The following RBFOX1 variants were observed in gnomAD, a reference collection of about 807,000 sequenced individuals.
RBFOX1 encodes RNA binding fox-1 homolog 1.
RBFOX1 carries 8 observed loss-of-function variants against 57.7 expected under a neutral mutation model. The ratio of observed to expected loss-of-function variants is 0.14; its 90% confidence interval spans 0.08 to 0.25. The LOEUF (loss-of-function observed/expected upper bound fraction) is 0.25, where lower values mean the gene tolerates loss of function less well. Among genes scored for constraint, RBFOX1 ranks in the 10% least tolerant of loss-of-function variants. The probability of loss-of-function intolerance (pLI) is 1.00; values close to 1 mark genes in which losing one functional copy is unlikely to be tolerated. For missense variants in RBFOX1, 611 were observed against 548.5 expected, an observed-to-expected ratio of 1.11 and a Z score of -1.14; for synonymous variants, 326 against 222.4, an observed-to-expected ratio of 1.47 and a Z score of -4.15.
At chr16:6,675,010 A>G (rs1419914833) in intron 3 of RBFOX1, among the ~76,000 whole-genome samples, 4 of 152,084 alleles carry the variant, frequency 2.6e-5, no homozygotes, top group African/African-American at 9.7e-5. Context: ...GGTTCAAGCC[A>G]TTCTCGTGCC....
At chr16:6,458,639 C>T (rs2094835308) in intron 2 of RBFOX1, among the ~76,000 whole-genome samples, 1 of 152,172 alleles carries the variant, frequency 6.6e-6, no homozygotes, top group Admixed American at 6.5e-5. Context: ...CTCTTCCTGA[C>T]CATGTGGCGA....
At chr16:6,259,806 A>T (rs2097690732) in intron 1 of RBFOX1, among the ~76,000 whole-genome samples, 1 of 152,106 alleles carries the variant, frequency 6.6e-6, no homozygotes, top group East Asian at 1.9e-4. Context: ...AAAAATACAA[A>T]AAAAAGTAGC....
chr16:6,597,501 G>T lies in RBFOX1; in HGVS notation c.-63-57102G>T, dbSNP rs566241320. On this transcript the variant is annotated intron_variant, in intron 2 of 15. Coordinates refer to ENST00000550418, the MANE Select transcript of RBFOX1 (RefSeq NM_018723.4). ...ACCCTGACCAACATGGTGAAACCCT[G>T]TCTCTACTAAAAATATAAAAAATTA... 4.6e-5 allele frequency among the ~76,000 whole-genome samples: 7 copies of T among 152,140 alleles called. No individual in the cohort carries two copies. The South Asian group carries it at 1.5e-3, about 32-fold the overall frequency.
chr16:6,157,907 A>G lies in RBFOX1; in HGVS notation c.-127+137915A>G, dbSNP rs140578534. On this transcript the variant is annotated intron_variant, in intron 1 of 15. Coordinates refer to ENST00000550418, the MANE Select transcript of RBFOX1 (RefSeq NM_018723.4). ...TTTTTTCCAAGAGTTGAAAGCACCA[A>G]GATTAGATCCTATTGGATGGATTTA... is the stretch of plus-strand genomic sequence containing the variant. 2.8e-3 allele frequency among the ~76,000 whole-genome samples: 431 copies of G among 152,302 alleles called. 1 individual carries two copies. The highest frequency in any genetic ancestry group is 0.01 in the African/African-American group (417 of 41,570).
intron 3 of RBFOX1, among the ~76,000 whole-genome samples, chr16:6,757,674 C>G (rs897103918): frequency 1.3e-5 from 2 of 152,126 alleles, no homozygotes; most frequent in Non-Finnish European, 2.9e-5. Flanking sequence ...TGAGGGGAGG[C>G]TGATTAATAA....
intron 3 of RBFOX1, among the ~76,000 whole-genome samples, chr16:5,723,377 G>A (rs1395304726): frequency 2.0e-5 from 3 of 150,290 alleles, no homozygotes; most frequent in Admixed American, 6.6e-5. Flanking sequence ...CCCACAGGAA[G>A]CTGTGGATTA....
chr16:5,515,282 C>T (rs896088523), intron 2 of RBFOX1, among the ~76,000 whole-genome samples: 3 of 152,234 alleles, frequency 2.0e-5, no homozygotes, highest in Admixed American at 1.3e-4. Flanking sequence ...TGGTTTTTGG[C>T]ACCTTTTCCT....
At chr16:6,856,536 C>G (rs192797920) in intron 3 of RBFOX1, among the ~76,000 whole-genome samples, 17 of 152,252 alleles carry the variant, frequency 1.1e-4, no homozygotes, top group Admixed American at 5.9e-4. Flanking sequence ...AAAATGCTCC[C>G]TCATGAATGT....
intron 4 of RBFOX1, among the ~76,000 whole-genome samples, chr16:7,294,740 C>A (rs983795442): frequency 6.6e-6 from 1 of 152,000 alleles, no homozygotes; most frequent in East Asian, 1.9e-4. Context: ...CACAAAAGTG[C>A]TTACGAGGTT....
chr16:6,750,531 A>G (rs1031551707), intron 3 of RBFOX1, among the ~76,000 whole-genome samples: 3 of 152,218 alleles, frequency 2.0e-5, no homozygotes, highest in Non-Finnish European at 4.4e-5. Flanking sequence ...TTTATCAGAG[A>G]TAGAAGAATG....
At chr16:7,189,855 T>C (rs564664170) in intron 4 of RBFOX1, among the ~76,000 whole-genome samples, 7 of 152,348 alleles carry the variant, frequency 4.6e-5, no homozygotes, top group Non-Finnish European at 8.8e-5. Context: ...TACATCTTGA[T>C]CGCCTTTATG....
chr16:6,954,041 A>C (rs950659477), intron 3 of RBFOX1, among the ~76,000 whole-genome samples: 1 of 152,194 alleles, frequency 6.6e-6, no homozygotes, highest in Admixed American at 6.5e-5. Context: ...TATACCCCTA[A>C]TATGGCAAGA....
chr16:6,385,788 T>C (rs2092227110), intron 2 of RBFOX1, among the ~76,000 whole-genome samples: 1 of 151,194 alleles, frequency 6.6e-6, no homozygotes, highest in Non-Finnish European at 1.5e-5. Context: ...GCTAAGCAAG[T>C]TATTCCCTTG....
rs140326112 is a variant in RBFOX1, at chr16:7,453,846, A to T, written c.28-64301A>T. Among the ~76,000 whole-genome samples, 113 of 152,294 alleles carry T rather than the reference A, an allele frequency of 7.4e-4. 1 individual carries two copies. Among genetic ancestry groups the T allele is most frequent in the Middle Eastern group, 3.4e-3 (1 of 294 alleles). ...CCTTAAGATGGCATTCCTAGAGTTC[A>T]TGTCCTCTAAACAGAGTCTTCACCA... is the stretch of plus-strand genomic sequence containing the variant. On this transcript the variant is annotated intron_variant, in intron 4 of 15. Coordinates refer to ENST00000550418, the MANE Select transcript of RBFOX1 (RefSeq NM_018723.4).
At chr16:7,155,720 T>A (rs761780444) in intron 4 of RBFOX1, among the ~76,000 whole-genome samples, 29,961 of 84,324 alleles carry the variant, frequency 0.36, 6,214 homozygotes, top group African/African-American at 0.41. Flanking sequence ...AAAATATATA[T>A]ATATATATAT....
chr16:7,408,912 CG>C (rs1444296830), intron 4 of RBFOX1, among the ~76,000 whole-genome samples: 2 of 152,160 alleles, frequency 1.3e-5, no homozygotes, highest in East Asian at 3.9e-4. Flanking sequence ...GTGTTGGAAG[CG>C]CTTGGCACCT....
chr16:5,808,759 G>A (rs907429255), intron 3 of RBFOX1, among the ~76,000 whole-genome samples: 19 of 152,224 alleles, frequency 1.2e-4, no homozygotes, highest in Middle Eastern at 6.8e-3. Context: ...TGATTTTTGT[G>A]CATTGATTTT....
At chr16:6,938,751 G>A (rs1234197328) in intron 3 of RBFOX1, among the ~76,000 whole-genome samples, 1 of 152,106 alleles carries the variant, frequency 6.6e-6, no homozygotes, top group Non-Finnish European at 1.5e-5. Context: ...GGCTGTCAGG[G>A]TGAAACCCTG....
At chr16:5,738,268 C>T (rs2052649988) in intron 3 of RBFOX1, among the ~76,000 whole-genome samples, 1 of 148,580 alleles carries the variant, frequency 6.7e-6, no homozygotes, top group African/African-American at 2.5e-5. Context: ...GGGTATCCAT[C>T]ACCCAAGTAT....
Sources: gnomAD v4.1 joint callset for allele counts (sites outside exome capture counted in the v4.1 genomes callset) on GRCh38, gnomAD v4.1.1 for gene constraint, MANE v1.5 for transcripts, NCBI Gene and HGNC (gene_info 2026-07-23, HGNC 2026-07-21) for gene names.